Variants in PTPRD observed in about 807,000 individuals in gnomAD.
The protein encoded by PTPRD is receptor-type tyrosine-protein phosphatase delta.
A neutral mutation model predicts 214.5 loss-of-function variants in PTPRD; 34 were observed. The observed-to-expected ratio is 0.16, with a 90% CI of 0.12 to 0.21. The LOEUF (loss-of-function observed/expected upper bound fraction) is 0.21. Ranked by LOEUF, PTPRD falls within the 10% of genes least tolerant of loss-of-function variation. PTPRD has a pLI of 1.00. For synonymous variants in PTPRD, 1,128 were observed against 845.7 expected (o/e 1.33, Z -5.79); for missense variants, 2,545 against 2,398.7 (o/e 1.06, Z -1.27).
At chr9:9,570,206 C>CATT (rs911753626) in intron 8 of PTPRD, among the ~76,000 whole-genome samples, 20 of 151,444 alleles carry the variant, frequency 1.3e-4, no homozygotes, top group Non-Finnish European at 2.1e-4. Flanking sequence ...GTATTATCAT[C>CATT]ATTATTATTA....
At chr9:8,464,100 T>C (rs2096489781) in intron 32 of PTPRD, among the ~76,000 whole-genome samples, 1 of 151,900 alleles carries the variant, frequency 6.6e-6, no homozygotes, top group Non-Finnish European at 1.5e-5. Flanking sequence ...TTGTGACACA[T>C]TTAAAACACT....
chr9:8,496,581 T>C (rs2097277565), intron 26 of PTPRD, among the ~76,000 whole-genome samples: 3 of 152,224 alleles, frequency 2.0e-5, no homozygotes, highest in Admixed American at 2.0e-4. Flanking sequence ...TTTCTACTTC[T>C]TGGCATAATC....
At chr9:10,048,924 G>T (rs538748025) in intron 3 of PTPRD, among the ~76,000 whole-genome samples, 9 of 152,150 alleles carry the variant, frequency 5.9e-5, no homozygotes, top group Non-Finnish European at 2.9e-5. Context: ...GGATGATTAC[G>T]CAGGATTAGG....
intron 8 of PTPRD, among the ~76,000 whole-genome samples, chr9:9,483,575 G>C (rs558262950): frequency 6.6e-6 from 1 of 152,138 alleles, no homozygotes; most frequent in East Asian, 1.9e-4. Context: ...TGTGGGTATT[G>C]GTTGGGAGAT....
intron 11 of PTPRD, among the ~76,000 whole-genome samples, chr9:8,853,098 A>T (rs927368328): frequency 6.6e-6 from 1 of 152,216 alleles, no homozygotes; most frequent in African/African-American, 2.4e-5. Context: ...TGGGTAATTT[A>T]TTAAGGGGGA....
intron 4 of PTPRD, among the ~76,000 whole-genome samples, chr9:9,973,382 G>C (rs1205831011): frequency 6.6e-6 from 1 of 151,950 alleles, no homozygotes; most frequent in Non-Finnish European, 1.5e-5. Flanking sequence ...TGAAGCCGGA[G>C]GGTTACTTAA....
At chr9:9,823,491 T>A (rs2051527913) in intron 5 of PTPRD, among the ~76,000 whole-genome samples, 3 of 152,048 alleles carry the variant, frequency 2.0e-5, no homozygotes, top group Admixed American at 2.0e-4. Flanking sequence ...GAACATGAGA[T>A]TTGGCTAGGG....
At chr9:9,045,456 A>G (rs1467997550) in intron 10 of PTPRD, among the ~76,000 whole-genome samples, 2 of 152,106 alleles carry the variant, frequency 1.3e-5, no homozygotes, top group African/African-American at 4.8e-5. Flanking sequence ...TTTGACAGGC[A>G]AACAATAAAA....
At chr9:8,664,969 T>C (rs183619629) in intron 12 of PTPRD, among the ~76,000 whole-genome samples, 4 of 152,108 alleles carry the variant, frequency 2.6e-5, no homozygotes, top group Non-Finnish European at 4.4e-5. Flanking sequence ...CTACACACAA[T>C]TGAGTGATAG....
intron 9 of PTPRD, among the ~76,000 whole-genome samples, chr9:9,382,055 C>T (rs1408350641): frequency 3.3e-5 from 5 of 152,088 alleles, no homozygotes; most frequent in Non-Finnish European, 7.4e-5. Context: ...ACATTTCTAC[C>T]ATCAATGCTC....
intron 7 of PTPRD, among the ~76,000 whole-genome samples, chr9:9,595,237 G>T (rs1245316780): frequency 2.7e-5 from 4 of 146,600 alleles, no homozygotes; most frequent in Non-Finnish European, 4.5e-5. Flanking sequence ...CACTACTGGG[G>T]TATCTACCCA....
intron 3 of PTPRD, among the ~76,000 whole-genome samples, chr9:10,176,627 C>G (rs1048071605): frequency 2.0e-5 from 3 of 151,886 alleles, no homozygotes; most frequent in African/African-American, 7.2e-5. Flanking sequence ...ATAAATCATA[C>G]AAATAATTAT....
intron 19 of PTPRD, among the ~76,000 whole-genome samples, chr9:8,522,740 T>C (rs1429873944): frequency 2.6e-5 from 4 of 152,178 alleles, no homozygotes; most frequent in Admixed American, 2.6e-4. Context: ...AAAGATAAAT[T>C]GGTTTCATCT....
chr9:9,129,758 A>C (rs1045109005), intron 10 of PTPRD, among the ~76,000 whole-genome samples: 5 of 152,190 alleles, frequency 3.3e-5, no homozygotes, highest in Non-Finnish European at 5.9e-5. Flanking sequence ...GTTTGACTAC[A>C]TCCCACATAC....
chr9:9,765,305 A>G (rs2098697484), intron 6 of PTPRD, among the ~76,000 whole-genome samples: 1 of 152,206 alleles, frequency 6.6e-6, no homozygotes, highest in Admixed American at 6.5e-5. Context: ...CCAAATAAAA[A>G]ATATGAGTAT....
intron 10 of PTPRD, among the ~76,000 whole-genome samples, chr9:9,115,885 C>T (rs1026153033): frequency 2.0e-5 from 3 of 152,128 alleles, no homozygotes; most frequent in African/African-American, 7.2e-5. Flanking sequence ...GAATACTACA[C>T]AGCCATAAAA....
At chr9:8,895,684 G>T (rs964152046) in intron 11 of PTPRD, among the ~76,000 whole-genome samples, 2 of 152,112 alleles carry the variant, frequency 1.3e-5, no homozygotes, top group African/African-American at 4.8e-5. Flanking sequence ...TGTCACTTCA[G>T]CATGTCACAC....
intron 35 of PTPRD, 112 bp from the exon 36 acceptor site, chr9:8,404,772 C>T: frequency 7.6e-7 from 1 of 1,316,852 alleles, no homozygotes; most frequent in Non-Finnish European, 1.0e-6. Flanking sequence ...TGAAGCCATA[C>T]TTCATCAAGA....
chr9:10,387,435 G>C (rs1323717198), intron 2 of PTPRD, among the ~76,000 whole-genome samples: 1 of 151,810 alleles, frequency 6.6e-6, no homozygotes, highest in Admixed American at 6.6e-5. Flanking sequence ...TATATCAGAA[G>C]GCATAGGTCT....
Sources: gnomAD v4.1 joint callset for allele counts (sites outside exome capture counted in the v4.1 genomes callset) on GRCh38, gnomAD v4.1.1 for gene constraint, MANE v1.5 for transcripts, NCBI Gene and HGNC (gene_info 2026-07-23, HGNC 2026-07-21) for gene names.